The following PUM1 variants were observed in gnomAD, a reference collection of about 807,000 sequenced individuals.
PUM1 encodes the protein pumilio homolog 1.
A neutral mutation model predicts 131.8 loss-of-function variants in PUM1; 13 were observed. That is an observed-to-expected ratio of 0.10 (90% CI 0.06 to 0.16). The LOEUF (loss-of-function observed/expected upper bound fraction) is 0.16, where lower values mean the gene tolerates loss of function less well. Ranked by LOEUF, PUM1 falls within the 10% of genes least tolerant of loss-of-function variation. The probability of loss-of-function intolerance (pLI) is 1.00; values close to 1 mark genes in which losing one functional copy is unlikely to be tolerated. For missense variants in PUM1, 961 were observed against 1,512.4 expected, an observed-to-expected ratio of 0.64 and a Z score of 6.05; for synonymous variants, 509 against 556.5, an observed-to-expected ratio of 0.91 and a Z score of 1.20.
intron 3 of PUM1, among the ~76,000 whole-genome samples, chr1:31,027,557 C>T (rs1387295010): frequency 1.3e-5 from 2 of 152,122 alleles, no homozygotes; most frequent in African/African-American, 4.8e-5. Context: ...TCTCCTAAAG[C>T]TCTAGGAGGA....
chr1:30,931,843 G>T lies in PUM1; in HGVS notation c.*1368C>A, dbSNP rs575373237. 7.9e-4 allele frequency: 120 copies of T among 152,698 alleles called. No individual in the cohort carries two copies. Among genetic ancestry groups the T allele is most frequent in the African/African-American group, 2.8e-3 (116 of 41,552 alleles). The allele number at this position is 152,698 out of a possible 1,614,324, so 9.5% of individuals were successfully genotyped here. On this transcript the variant is annotated 3_prime_UTR_variant, in exon 22 of 22. Transcript: ENST00000426105. ...TTACAAGGTGAGAGGGGCTCTGATT[G>T]TAAGGAAAGCTCGGGCAAGGCTAGA...
At chr1:30,940,381 T>C (rs897569049) in intron 20 of PUM1, among the ~76,000 whole-genome samples, 1 of 151,932 alleles carries the variant, frequency 6.6e-6, no homozygotes, top group African/African-American at 2.4e-5. Context: ...AAGCCTGAGG[T>C]AGGAGGATCG....
At chr1:30,995,821 C>T (rs1321062742) in intron 5 of PUM1, among the ~76,000 whole-genome samples, 1 of 152,120 alleles carries the variant, frequency 6.6e-6, no homozygotes, top group Non-Finnish European at 1.5e-5. Context: ...CCCTATAAGC[C>T]TCACAGGTAT....
chr1:31,009,123 C>T (rs1252701229), intron 3 of PUM1, among the ~76,000 whole-genome samples: 2 of 150,728 alleles, frequency 1.3e-5, no homozygotes, highest in South Asian at 4.2e-4. Flanking sequence ...TGGGAGGGTG[C>T]GGTGAGCTAA....
chr1:30,974,106 T>C (rs1641042196), intron 10 of PUM1, among the ~76,000 whole-genome samples: 1 of 151,038 alleles, frequency 6.6e-6, no homozygotes, highest in Admixed American at 6.6e-5. Flanking sequence ...AAAAAAGGTG[T>C]TATTCTAGCA....
At chr1:31,020,112 T>A (rs572194610) in intron 3 of PUM1, among the ~76,000 whole-genome samples, 4 of 152,330 alleles carry the variant, frequency 2.6e-5, no homozygotes, top group East Asian at 3.9e-4. Flanking sequence ...CCCTTCTTTA[T>A]GTCTATGTGT....
rs1157895372 is a variant in PUM1, at chr1:30,964,666, G to A, written c.2323+8C>T. On this transcript the variant is annotated splice_region_variant and intron_variant, in intron 14 of 21. Coordinates refer to ENST00000426105, the MANE Select transcript of PUM1 (RefSeq NM_001020658.2). Reference sequence around the variant, plus strand: ...AGTTCAAGGTGGTGTTAGAGTAATGGTTCTTACCCAGGTTTAAGCTTGAAG... The same window carrying A: ...AGTTCAAGGTGGTGTTAGAGTAATGATTCTTACCCAGGTTTAAGCTTGAAG... 1.9e-6 allele frequency: 3 copies of A among 1,597,834 alleles called. No individual in the cohort carries two copies. In the African/African-American group the frequency reaches 4.0e-5, roughly 21 times the overall value.
At chr1:31,038,984 A>ATATATATTTTTTTTTTTTTTTTTTTTTT in intron 2 of PUM1, among the ~76,000 whole-genome samples, 1 of 49,422 alleles carries the variant, frequency 2.0e-5, no homozygotes, top group African/African-American at 2.1e-4. Flanking sequence ...ATATATATAT[A>ATATATATTTTTTTTTTTTTTTTTTTTTT]TTTTTTTTTT....
intron 2 of PUM1, among the ~76,000 whole-genome samples, chr1:31,039,825 G>A (rs1241327870): frequency 6.6e-6 from 1 of 151,996 alleles, no homozygotes; most frequent in African/African-American, 2.4e-5. Context: ...CTTGAACCCA[G>A]GAGGCAGAGG....
intron 3 of PUM1, among the ~76,000 whole-genome samples, chr1:31,011,316 T>G (rs1642612246): frequency 6.6e-6 from 1 of 152,212 alleles, no homozygotes; most frequent in Non-Finnish European, 1.5e-5. Flanking sequence ...AGGAGTCTGT[T>G]TTCAAGAAAC....
chr1:31,016,098 A>C (rs1642809377), intron 3 of PUM1, among the ~76,000 whole-genome samples: 2 of 152,258 alleles, frequency 1.3e-5, no homozygotes, highest in Admixed American at 6.5e-5. Flanking sequence ...AAAAAATGCA[A>C]AATTTGAAAT....
intron 9 of PUM1, 32 bp from the exon 10 acceptor site, chr1:30,974,834 C>G: frequency 6.3e-7 from 1 of 1,580,024 alleles, no homozygotes; most frequent in Non-Finnish European, 8.6e-7. Flanking sequence ...TAAAGAAAGT[C>G]TGAACTACTG....
At chr1:31,047,352 GA>G (rs570818105) in intron 2 of PUM1, among the ~76,000 whole-genome samples, 7 of 147,408 alleles carry the variant, frequency 4.7e-5, no homozygotes, top group Admixed American at 2.0e-4. Context: ...AAAAGGAAAA[GA>G]AAAAAAAAAG....
chr1:31,053,931 C>T (rs1644172662), intron 2 of PUM1, among the ~76,000 whole-genome samples: 1 of 151,790 alleles, frequency 6.6e-6, no homozygotes, highest in Non-Finnish European at 1.5e-5. Flanking sequence ...CTTGTTTCTA[C>T]TAAAAATACA....
intron 21 of PUM1, among the ~76,000 whole-genome samples, chr1:30,935,357 T>C (rs1639160659): frequency 6.6e-6 from 1 of 152,240 alleles, no homozygotes; most frequent in African/African-American, 2.4e-5. Flanking sequence ...CCACACGTTA[T>C]AGAAGACACC....
At chr1:30,999,865 T>C (rs1642141778) in intron 5 of PUM1, among the ~76,000 whole-genome samples, 1 of 152,234 alleles carries the variant, frequency 6.6e-6, no homozygotes, top group South Asian at 2.1e-4. Context: ...TTTGTAACAC[T>C]ATACATGACA....
chr1:31,027,931 TA>T (rs1398242542), intron 3 of PUM1, among the ~76,000 whole-genome samples: 1 of 152,152 alleles, frequency 6.6e-6, no homozygotes, highest in African/African-American at 2.4e-5. Flanking sequence ...AAATATTAGA[TA>T]CACAAAAAAT....
chr1:30,977,177 G>A (rs982441168), intron 9 of PUM1, among the ~76,000 whole-genome samples: 1 of 152,174 alleles, frequency 6.6e-6, no homozygotes, highest in Non-Finnish European at 1.5e-5. Flanking sequence ...TGGGGATGCT[G>A]AATAGATGAA....
chr1:30,938,936 CAGACAGACAGATAGACAGATAGACAGAT>C lies in PUM1; in HGVS notation c.3243-2129_3243-2102del, dbSNP rs1557543214. Among the ~76,000 whole-genome samples the C allele has an allele frequency of 4.8e-4, 49 of 102,252 alleles. 1 individual carries two copies. The highest frequency in any genetic ancestry group is 1.3e-3 in the African/African-American group (44 of 33,068). The allele number at this position is 102,252 out of a possible 152,430, so 67.1% of individuals were successfully genotyped here. A position where few individuals can be genotyped will look rare whatever the true frequency, so the allele number is the denominator to read the frequency against. On this transcript the variant is annotated intron_variant, in intron 20 of 21. Transcript: ENST00000426105. The stretch of plus-strand genomic sequence containing the variant: ...ACAGACAGACAGACAGACAGACAGA[CAGACAGACAGATAGACAGATAGACAGAT>C]ACATACATACATACATAATTTTCTA...
Sources: gnomAD v4.1 joint callset for allele counts (sites outside exome capture counted in the v4.1 genomes callset) on GRCh38, gnomAD v4.1.1 for gene constraint, MANE v1.5 for transcripts, NCBI Gene and HGNC (gene_info 2026-07-23, HGNC 2026-07-21) for gene names.